The following DNAJC13 variants were observed in gnomAD, a reference collection of about 807,000 sequenced individuals.
The protein encoded by DNAJC13 is DnaJ heat shock protein family (Hsp40) member C13.
In DNAJC13, 75 loss-of-function variants were observed where a neutral mutation model predicts 290.5. That is an observed-to-expected ratio of 0.26 (90% CI 0.21 to 0.31). DNAJC13 has a LOEUF of 0.31. DNAJC13 is among the 10% of genes least tolerant of loss of function. The pLI, the probability that DNAJC13 is intolerant of heterozygous loss-of-function variation, is 1.00. For missense variants in DNAJC13, 2,260 were observed against 2,674.5 expected (o/e 0.85, Z 3.42); for synonymous variants, 862 against 892.0 (o/e 0.97, Z 0.60).
chr3:132,450,798 C>T lies in DNAJC13; in HGVS notation c.488C>T (p.Ser163Leu). Residue 163 changes from serine (S) to leucine (L), a missense_variant, in exon 6 of 56, where the codon TCA (serine) becomes TTA (leucine). Transcript: ENST00000260818. ...AATATTGAAGGATTTGTAGATCTCT[C>T]AGATTATCAAGGAGGATTTTGTATA... ...YRNIEGFVDL[S>L]DYQGGFCILY... The T allele has an allele frequency of 6.2e-7, 1 of 1,601,470 alleles. No individual in the cohort carries two copies. Among genetic ancestry groups the T allele is most frequent in the East Asian group, 2.2e-5 (1 of 44,568 alleles).
Position 132,511,191 on chromosome 3 carries a change from C to T in DNAJC13, c.5240C>T (p.Pro1747Leu), listed in dbSNP as rs145670794. The change falls in exon 44 of 56, where the codon CCG becomes CTG. Residue 1747 changes from proline (P) to leucine (L), a missense_variant. Transcript: ENST00000260818. ...TCAGAGCAACATGGAGATCGCTTAC[C>T]GAGAGTAGAAATGGCTTTGGAGGCT... is the stretch of plus-strand genomic sequence containing the variant. ...VESEQHGDRL[P>L]RVEMALEALR... 5.1e-5 allele frequency: 83 copies of T among 1,613,664 alleles called. No homozygotes were observed. The African/African-American group carries it at 8.4e-4, about 16-fold the overall frequency.
At chr3:132,534,648 A>G (rs1936537179) in intron 55 of DNAJC13, among the ~76,000 whole-genome samples, 1 of 152,122 alleles carries the variant, frequency 6.6e-6, no homozygotes, top group Admixed American at 6.5e-5. Flanking sequence ...CTTGTCTCAA[A>G]AAAAATTAAG....
intron 22 of DNAJC13, among the ~76,000 whole-genome samples, chr3:132,476,333 C>T (rs1934473763): frequency 6.6e-6 from 1 of 152,182 alleles, no homozygotes; most frequent in Admixed American, 6.5e-5. Flanking sequence ...AATGACTACT[C>T]CTTATTTTCT....
chr3:132,508,518 T>A (rs1935665530), intron 43 of DNAJC13, among the ~76,000 whole-genome samples: 1 of 152,218 alleles, frequency 6.6e-6, no homozygotes, highest in South Asian at 2.1e-4. Context: ...TTTACCCTTC[T>A]GAAAATCCTA....
chr3:132,538,151 G>T (rs1559919928), intron 55 of DNAJC13, 25 bp from the exon 56 acceptor site: 17 of 1,594,594 alleles, frequency 1.1e-5, no homozygotes, highest in Non-Finnish European at 1.4e-5. Context: ...TTCTAGAGGT[G>T]TGTGTTTACC....
At chr3:132,488,510 T>C (rs1015071266) in intron 30 of DNAJC13, 58 bp downstream of exon 30, 1 of 1,448,722 alleles carries the variant, frequency 6.9e-7, no homozygotes, top group African/African-American at 1.4e-5. Flanking sequence ...TATGGACTGA[T>C]TTAATTGAAT....
chr3:132,490,334 T>G lies in DNAJC13; in HGVS notation c.3469-563T>G, dbSNP rs183500249. On this transcript the variant is annotated intron_variant, in intron 31 of 55. Coordinates refer to ENST00000260818, the MANE Select transcript of DNAJC13 (RefSeq NM_015268.4). ...TTTCCATTGAGTAAAGAAATGAGTT[T>G]AAAATTTAGTATGATCATTATCCTA... 2.4e-3 allele frequency among the ~76,000 whole-genome samples: 372 copies of G among 152,320 alleles called. 1 individual carries two copies. The highest frequency in any genetic ancestry group is 8.6e-3 in the African/African-American group (357 of 41,578).
At chr3:132,433,307 G>A (rs1939289306) in intron 1 of DNAJC13, among the ~76,000 whole-genome samples, 1 of 152,162 alleles carries the variant, frequency 6.6e-6, no homozygotes, top group African/African-American at 2.4e-5. Flanking sequence ...TCATAGCTCA[G>A]TGTAGCCTCA....
intron 18 of DNAJC13, 94 bp downstream of exon 18, chr3:132,466,164 T>C (rs1933972555): frequency 2.8e-6 from 4 of 1,415,244 alleles, no homozygotes; most frequent in Middle Eastern, 1.8e-4. Flanking sequence ...TTGTTTTTTA[T>C]TGAAAAGTTA....
intron 51 of DNAJC13, 74 bp downstream of exon 51, chr3:132,523,787 A>G (rs1363166561): frequency 2.1e-6 from 3 of 1,428,182 alleles, no homozygotes; most frequent in Non-Finnish European, 2.8e-6. Flanking sequence ...TTACAACCTT[A>G]TTCACAAAGA....
intron 2 of DNAJC13, among the ~76,000 whole-genome samples, chr3:132,439,973 A>T (rs1347480796): frequency 6.6e-6 from 1 of 152,194 alleles, no homozygotes; most frequent in East Asian, 1.9e-4. Context: ...TAGAGCAGTC[A>T]TGGGCTGGAC....
chr3:132,513,007 G>A lies in DNAJC13; in HGVS notation c.5294-1G>A, dbSNP rs1196654595. ...TAAACCATTTTATTCTTATTCTCTA[G>A]GTTCTGAGAGTGAATGCATTGGGCA... On this transcript the variant is annotated splice_acceptor_variant, in intron 44 of 55. Transcript: ENST00000260818. LOFTEE classifies it high-confidence loss of function. 1 of 1,611,280 alleles carries A rather than the reference G, an allele frequency of 6.2e-7. No individual in the cohort carries two copies. Among genetic ancestry groups the A allele is most frequent in the East Asian group, 2.2e-5 (1 of 44,838 alleles).
At chr3:132,436,149 A>C (rs1939379371) in intron 2 of DNAJC13, among the ~76,000 whole-genome samples, 2 of 152,210 alleles carry the variant, frequency 1.3e-5, no homozygotes, top group Non-Finnish European at 1.5e-5. Flanking sequence ...TTTTGAGAAC[A>C]CTTTCATCAC....
intron 33 of DNAJC13, among the ~76,000 whole-genome samples, chr3:132,493,265 G>A (rs553637582): frequency 6.6e-6 from 1 of 152,146 alleles, no homozygotes; most frequent in Admixed American, 6.6e-5. Context: ...GTGGGCACCT[G>A]TGCCCATGTT....
At chr3:132,535,674 G>A (rs1242293958) in intron 55 of DNAJC13, among the ~76,000 whole-genome samples, 2 of 152,178 alleles carry the variant, frequency 1.3e-5, no homozygotes, top group East Asian at 3.8e-4. Context: ...ACATTTCATC[G>A]TGGTAGCCAA....
intron 24 of DNAJC13, among the ~76,000 whole-genome samples, 179 bp downstream of exon 24, chr3:132,478,319 G>A (rs1397259287): frequency 1.3e-5 from 2 of 152,040 alleles, no homozygotes; most frequent in Non-Finnish European, 2.9e-5. Flanking sequence ...TGAATAATGG[G>A]TTAGAATTTG....
intron 51 of DNAJC13, among the ~76,000 whole-genome samples, chr3:132,524,503 G>C (rs557621363): frequency 6.6e-6 from 1 of 152,348 alleles, no homozygotes; most frequent in East Asian, 1.9e-4. Flanking sequence ...TGAGGCAGAG[G>C]TTCTGATGAG....
rs552992114 is a variant in DNAJC13, at chr3:132,465,482, G to A, written c.1893-513G>A. ...ATATACTTTTATAGCTTTTAAGTGAGATGAGTTGAATAATTTGCTATAAGT... is the reference window on the plus strand; with the variant it reads ...ATATACTTTTATAGCTTTTAAGTGAAATGAGTTGAATAATTTGCTATAAGT... On this transcript the variant is annotated intron_variant, in intron 17 of 55. Coordinates refer to ENST00000260818, the MANE Select transcript of DNAJC13 (RefSeq NM_015268.4). Among the ~76,000 whole-genome samples, 6 of 152,286 alleles carry A rather than the reference G, an allele frequency of 3.9e-5. No homozygotes were observed. The South Asian group carries it at 8.3e-4, about 21-fold the overall frequency.
At chr3:132,534,119 C>T (rs1316020911) in intron 55 of DNAJC13, among the ~76,000 whole-genome samples, 1 of 152,154 alleles carries the variant, frequency 6.6e-6, no homozygotes, top group Non-Finnish European at 1.5e-5. Context: ...AAGTTCTGTA[C>T]AGGTCTGGCC....
Sources: gnomAD v4.1 joint callset for allele counts (sites outside exome capture counted in the v4.1 genomes callset) on GRCh38, gnomAD v4.1.1 for gene constraint, MANE v1.5 for transcripts, NCBI Gene and HGNC (gene_info 2026-07-23, HGNC 2026-07-21) for gene names.